The following PADI4 variants were observed in gnomAD, a reference collection of about 807,000 sequenced individuals.
The protein encoded by PADI4 is protein-arginine deiminase type-4.
In PADI4, 62 loss-of-function variants were observed where a neutral mutation model predicts 75.0. That is an observed-to-expected ratio of 0.83 (90% CI 0.67 to 1.02). The LOEUF is 1.02. PADI4 is among the 50% of genes least tolerant of loss of function. The pLI, the probability that PADI4 is intolerant of heterozygous loss-of-function variation, is 0.00. For synonymous variants in PADI4, 361 were observed against 348.1 expected (o/e 1.04, Z -0.41); for missense variants, 845 against 850.5 (o/e 0.99, Z 0.08).
At position 17,354,549 on chromosome 1, in the gene PADI4, A is replaced by C; in HGVS notation, c.1172A>C (p.Tyr391Ser). ...CTATCTCAGGGTCCAGATTTTGGCT[A>C]TGTAACTCGAGGGCCCCAAACAGGG... Reference protein sequence around the residue: ...IKRVMGPDFGYVTRGPQTGGI... With the variant: ...IKRVMGPDFGSVTRGPQTGGI... Residue 391 changes from tyrosine (Y) to serine (S), a missense_variant, in exon 11 of 16, where the codon TAT (tyrosine) becomes TCT (serine). Coordinates refer to ENST00000375448, the MANE Select transcript of PADI4 (RefSeq NM_012387.3). The C allele has an allele frequency of 6.2e-7, 1 of 1,614,082 alleles. No homozygotes were observed. The highest frequency in any genetic ancestry group is 8.5e-7 in the Non-Finnish European group (1 of 1,179,978).
At chr1:17,331,288 G>A (rs2100703521) in intron 2 of PADI4, 139 bp downstream of exon 2, 1 of 678,220 alleles carries the variant, frequency 1.5e-6, no homozygotes, top group East Asian at 3.1e-5. Context: ...GCTTCTTCCA[G>A]CCATAGTGTC....
chr1:17,360,181 C>G (rs1291502974), intron 15 of PADI4, among the ~76,000 whole-genome samples: 2 of 152,026 alleles, frequency 1.3e-5, no homozygotes, highest in Non-Finnish European at 2.9e-5. Context: ...ATCCCAACTA[C>G]TTGAGAGGCG....
At chr1:17,339,924 A>G (rs2074385120) in intron 6 of PADI4, 111 bp downstream of exon 6, 5 of 1,222,016 alleles carry the variant, frequency 4.1e-6, no homozygotes, top group Non-Finnish European at 5.7e-6. Context: ...CCAAGTTCTA[A>G]GAACAGCAGA....
chr1:17,334,372 G>A (rs1239669603), intron 3 of PADI4: 1 of 454,274 alleles, frequency 2.2e-6, no homozygotes, highest in Non-Finnish European at 4.6e-6. Context: ...GCATGATCTC[G>A]GCTCACTGCA....
intron 1 of PADI4, 126 bp from the exon 2 acceptor site, chr1:17,330,843 G>T (rs137952578): frequency 3.2e-6 from 2 of 620,970 alleles, no homozygotes; most frequent in Non-Finnish European, 5.4e-6. Context: ...AAAATACTTC[G>T]CATCTTTCAG....
intron 5 of PADI4, 125 bp downstream of exon 5, chr1:17,338,280 G>C: frequency 1.5e-6 from 1 of 655,232 alleles, no homozygotes; most frequent in Non-Finnish European, 2.8e-6. Flanking sequence ...TGGCAAATCT[G>C]TTTTATAGGT....
Position 17,354,604 on chromosome 1 carries a change from C to G in PADI4, c.1227C>G (p.Asn409Lys). 6.2e-7 allele frequency: 1 copy of G among 1,614,092 alleles called. No individual in the cohort carries two copies. The highest frequency in any genetic ancestry group is 8.5e-7 in the Non-Finnish European group (1 of 1,179,962). The change falls in exon 11 of 16, where the codon AAC (asparagine) becomes AAG (lysine). Residue 409 changes from asparagine (N) to lysine (K), a missense_variant. Coordinates refer to ENST00000375448, the MANE Select transcript of PADI4 (RefSeq NM_012387.3). ...TCAGTGGACTGGACTCCTTTGGGAACCTGGAAGTGAGCCCCCCAGTCACAG... is the reference window on the plus strand; with the variant it reads ...TCAGTGGACTGGACTCCTTTGGGAAGCTGGAAGTGAGCCCCCCAGTCACAG... ...GGISGLDSFG[N>K]LEVSPPVTVR...
chr1:17,335,798 C>G (rs1449222615), intron 3 of PADI4, among the ~76,000 whole-genome samples: 2 of 152,194 alleles, frequency 1.3e-5, no homozygotes, highest in Non-Finnish European at 2.9e-5. Flanking sequence ...GAGAGGCTGG[C>G]AGGGTGTGCC....
In PADI4 at chr1:17,356,290, C is replaced by A; in HGVS notation, c.1456-67C>A. 7.7e-7 allele frequency: 1 copy of A among 1,300,198 alleles called. No individual in the cohort carries two copies. The highest frequency in any genetic ancestry group is 1.1e-6 in the Non-Finnish European group (1 of 932,766). The allele number at this position is 1,300,198 out of a possible 1,614,324, so 80.5% of individuals were successfully genotyped here. ...AAGTCCACACTACTCCCACCCTCAGCAGATCCACCCTCGTTGGGAGCTCCA... is the reference window on the plus strand; with the variant it reads ...AAGTCCACACTACTCCCACCCTCAGAAGATCCACCCTCGTTGGGAGCTCCA... On this transcript the variant is annotated intron_variant, in intron 12 of 15. Coordinates refer to ENST00000375448, the MANE Select transcript of PADI4 (RefSeq NM_012387.3). This position sits in a 1 kb window ranked among gnomAD's most constrained non-coding sequence, Gnocchi z 4.1.
chr1:17,351,951 G>GCAGTAGGAGAGGCGGTCAGGGAGCTGA (rs1557575960), intron 10 of PADI4, among the ~76,000 whole-genome samples: 6 of 130,668 alleles, frequency 4.6e-5, no homozygotes, highest in Non-Finnish European at 8.2e-5. Context: ...GTGATGGGAG[G>GCAGTAGGAGAGGCGGTCAGGGAGCTGA]TGGGAGGAGA....
rs34743635 is a variant in PADI4, at chr1:17,342,075, C to T, written c.785C>T (p.Pro262Leu). 7.3e-5 allele frequency: 118 copies of T among 1,613,980 alleles called. No individual in the cohort carries two copies. The South Asian group carries it at 7.6e-4, about 10-fold the overall frequency. ...EALAFPDTDF[P>L]GLITLTISLL... ...CTCGCTTTCCCGGACACCGACTTCC[C>T]GGGGCTCATTACCCTCACCATCTCC... Residue 262 changes from proline (P) to leucine (L), a missense_variant, in exon 7 of 16, where the codon CCG becomes CTG. By Grantham distance (98) the Pro-to-Leu change is moderately conservative. Coordinates refer to ENST00000375448, the MANE Select transcript of PADI4 (RefSeq NM_012387.3).
chr1:17,332,450 A>T (rs1413833625), intron 2 of PADI4, among the ~76,000 whole-genome samples: 2 of 152,000 alleles, frequency 1.3e-5, no homozygotes, highest in African/African-American at 4.8e-5. Flanking sequence ...GGATTTCACC[A>T]TGTTGGTCAG....
At chr1:17,334,539 G>A (rs776773698) in intron 3 of PADI4, 2 of 453,844 alleles carry the variant, frequency 4.4e-6, no homozygotes, top group Non-Finnish European at 8.9e-6. Flanking sequence ...CTGACCTCAG[G>A]TGATCTGCCT....
chr1:17,358,577 A>T lies in PADI4; in HGVS notation c.1559-261A>T, dbSNP rs2074798918. The stretch of plus-strand genomic sequence containing the variant: ...CGAGACTCCGTCTCAAAAAAAAAAA[A>T]AAATAATAATAAAAATAAAAATATA... On this transcript the variant is annotated intron_variant, in intron 13 of 15. Transcript: ENST00000375448. 1.5e-5 allele frequency among the ~76,000 whole-genome samples: 2 copies of T among 131,654 alleles called. 1 individual carries two copies. Among genetic ancestry groups the T allele is most frequent in the Non-Finnish European group, 3.2e-5 (2 of 62,880 alleles). The allele number at this position is 131,654 out of a possible 152,430, so 86.4% of individuals were successfully genotyped here.
intron 3 of PADI4, chr1:17,334,337 C>G (rs1417482118): frequency 2.4e-6 from 1 of 414,814 alleles, no homozygotes; most frequent in Non-Finnish European, 5.0e-6. Context: ...GAGTCTCACC[C>G]TGTCACCCAG....
At chr1:17,345,023 A>G (rs941122157) in intron 8 of PADI4, among the ~76,000 whole-genome samples, 5 of 152,242 alleles carry the variant, frequency 3.3e-5, no homozygotes, top group Admixed American at 2.6e-4. Flanking sequence ...CCAGCCTGTG[A>G]AACTGGCCTA....
rs540325191 is a variant in PADI4, at chr1:17,339,271, C to T, written c.527-417C>T. On this transcript the variant is annotated intron_variant, in intron 5 of 15. Transcript: ENST00000375448. ...ATTGTTCAAGTTGGTTCACAAACCC[C>T]ACTTCTTGCTCAGGACCAGCACAGA... Among the ~76,000 whole-genome samples the T allele has an allele frequency of 4.6e-5, 7 of 152,346 alleles. No individual in the cohort carries two copies. The East Asian group carries it at 1.4e-3, about 29-fold the overall frequency.
intron 13 of PADI4, among the ~76,000 whole-genome samples, chr1:17,357,236 C>G (rs543440081): frequency 6.6e-6 from 1 of 152,250 alleles, no homozygotes; most frequent in South Asian, 2.1e-4. Flanking sequence ...GGCGCGATCT[C>G]GACTCTCTGC....
At position 17,346,183 on chromosome 1, in the gene PADI4, C is replaced by A; in HGVS notation, c.1047+44C>A. 1 of 1,321,934 alleles carries A rather than the reference C, an allele frequency of 7.6e-7. No homozygotes were observed. Among genetic ancestry groups the A allele is most frequent in the Non-Finnish European group, 1.1e-6 (1 of 918,590 alleles). 81.9% of individuals were successfully genotyped at this position (1,321,934 alleles called of 1,614,324 possible). A position where few individuals can be genotyped will look rare whatever the true frequency, so the allele number is the denominator to read the frequency against. On this transcript the variant is annotated intron_variant, in intron 9 of 15. Transcript: ENST00000375448. This position sits in a 1 kb window ranked among gnomAD's most constrained non-coding sequence, Gnocchi z 4.3. ...AGGCAGGGTGACTGTCCCTGAGGGC[C>A]AAGAGACACTTGGGGGACCCGGGCT...
Sources: allele counts gnomAD v4.1 joint callset (sites outside exome capture counted in the v4.1 genomes callset), GRCh38; gene constraint gnomAD v4.1.1; non-coding constraint Gnocchi (gnomAD v3.1); transcripts MANE v1.5; gene names NCBI Gene and HGNC (gene_info 2026-07-23, HGNC 2026-07-21).